EPHA10: variants seen among roughly 807,000 people sequenced by gnomAD.
EPHA10 encodes ephrin type-A receptor 10.
Under a neutral mutation model 109.7 loss-of-function variants are expected in EPHA10, and 120 were observed. The observed-to-expected ratio is 1.09, with a 90% confidence interval of 0.94 to 1.27. EPHA10 has a LOEUF of 1.27. EPHA10 is among the 50% of genes most tolerant of loss of function. EPHA10 has a pLI of 0.00. For missense variants in EPHA10, 1,396 were observed against 1,411.1 expected (o/e 0.99, Z 0.17); for synonymous variants, 640 against 618.9 (o/e 1.03, Z -0.51).
At chr1:37,720,892 C>T (rs776475956) in intron 11 of EPHA10, 48 bp from the exon 12 acceptor site, 269 of 1,590,586 alleles carry the variant, frequency 1.7e-4, no homozygotes, top group Non-Finnish European at 2.1e-4. Flanking sequence ...CACTCCACTC[C>T]GCACGCACAC....
At position 37,764,626 on chromosome 1, in the gene EPHA10, C is replaced by G. The variant is rs1348900347; in HGVS notation, c.106+335G>C. 6.6e-6 allele frequency among the ~76,000 whole-genome samples: 1 copy of G among 152,130 alleles called. No homozygotes were observed. Among genetic ancestry groups the G allele is most frequent in the Non-Finnish European group, 1.5e-5 (1 of 68,026 alleles). ...AGCTCACCTCCGCATCTCCCTGTCT[C>G]CACTCTTCATCTCCCCGCCCCCGCA... On this transcript the variant is annotated intron_variant, in intron 1 of 16. Transcript: ENST00000373048. This position sits in a 1 kb window ranked among gnomAD's most constrained non-coding sequence, Gnocchi z 5.8.
chr1:37,722,889 TG>T, intron 10 of EPHA10, 151 bp downstream of exon 10: 1 of 1,137,936 alleles, frequency 8.8e-7, no homozygotes, highest in Non-Finnish European at 1.3e-6. Context: ...GGGTGGAGGG[TG>T]GGCTTGGTGT....
chr1:37,720,239 G>C, intron 13 of EPHA10, 112 bp downstream of exon 13: 1 of 1,410,630 alleles, frequency 7.1e-7, no homozygotes, highest in Non-Finnish European at 9.5e-7. Flanking sequence ...TTTATGCCAA[G>C]ACCAACTGGG....
At chr1:37,726,290 A>C (rs928860677) in intron 8 of EPHA10, among the ~76,000 whole-genome samples, 1 of 152,244 alleles carries the variant, frequency 6.6e-6, no homozygotes. Context: ...TGGTCCAGGC[A>C]GAGCTGGCTC....
At position 37,720,606 on chromosome 1, in the gene EPHA10, T is replaced by G. The variant is rs377591490; in HGVS notation, c.2209-52A>C. 2.0e-5 allele frequency: 31 copies of G among 1,572,078 alleles called. No individual in the cohort carries two copies. In the African/African-American group the frequency reaches 3.4e-4, roughly 17 times the overall value. On this transcript the variant is annotated intron_variant, in intron 12 of 16. Transcript: ENST00000373048. ...GGCTGTGCGCTTGGATCCCCTGGTG[T>G]TGTGTGACACCAGGGCGGTCACCTA...
chr1:37,716,266 G>A lies in EPHA10; in HGVS notation c.*2106C>T, dbSNP rs191644806. The A allele has an allele frequency of 1.2e-3, 306 of 263,884 alleles. 9 individuals carry two copies. In the Admixed American group the frequency reaches 0.016, roughly 14 times the overall value. 16.3% of individuals were successfully genotyped at this position (263,884 alleles called of 1,614,324 possible). ...GGAGGGGAGATCTACCCTGGACACC[G>A]AAGTCCTGCCAACACAGCCAGGGGC... On this transcript the variant is annotated 3_prime_UTR_variant, in exon 17 of 17. Transcript: ENST00000373048.
rs1646433093 is a variant in EPHA10, at chr1:37,761,702, G to A, written c.553C>T (p.Arg185Trp). 6.2e-7 allele frequency: 1 copy of A among 1,613,076 alleles called. No individual in the cohort carries two copies. The highest frequency in any genetic ancestry group is 1.1e-5 in the South Asian group (1 of 91,074). Residue 185 changes from arginine (R) to tryptophan (W), a missense_variant, in exon 3 of 17, where the codon CGG becomes TGG. Transcript: ENST00000373048. ...TGAAAGGCCAGGTGGAAACCCCGCC[G>A]GCTGAGCGGTCCGATCTCGCGCACC... is the stretch of plus-strand genomic sequence containing the variant. ...TEVREIGPLS[R>W]RGFHLAFQDV...
chr1:37,727,090 C>G lies in EPHA10; in HGVS notation c.1772+12G>C. On this transcript the variant is annotated intron_variant, in intron 8 of 16. Transcript: ENST00000373048. The stretch of plus-strand genomic sequence containing the variant: ...CCACCAGGAGTCACCTAGGCTGGGG[C>G]CAGCCACCTACCTCCTCCAAATGGC... The G allele has an allele frequency of 6.2e-7, 1 of 1,602,656 alleles. No individual in the cohort carries two copies. The highest frequency in any genetic ancestry group is 1.3e-5 in the African/African-American group (1 of 74,698).
chr1:37,714,840 G>A (rs61741970), downstream of EPHA10: 10,041 of 152,332 alleles, frequency 0.066, 463 homozygotes, highest in South Asian at 0.13. Context: ...ACAACCTTGC[G>A]CACATCTTGA....
At chr1:37,720,656 CT>C in intron 12 of EPHA10, 102 bp from the exon 13 acceptor site, 2 of 1,535,224 alleles carry the variant, frequency 1.3e-6, no homozygotes, top group Non-Finnish European at 1.8e-6. Flanking sequence ...TTAGTTCACC[CT>C]GTGACCACAG....
At position 37,718,699 on chromosome 1, in the gene EPHA10, G is replaced by A. The variant is rs1363673018; in HGVS notation, c.2874C>T (p.Gly958=). ...CRYKDSFAAA[G]YGSLEAVAEM... is the part of the protein sequence containing the mutation. ...CGGCCACGGCCTCCAGGCTCCCATAGCCAGCAGCCGCGAAGCTGTCCTTGT... is the reference window on the plus strand; with the variant it reads ...CGGCCACGGCCTCCAGGCTCCCATAACCAGCAGCCGCGAAGCTGTCCTTGT... Residue 958 remains glycine, a synonymous_variant, in exon 16 of 17, where the codon GGC becomes GGT. Coordinates refer to ENST00000373048, the MANE Select transcript of EPHA10 (RefSeq NM_001099439.2). The A allele has an allele frequency of 6.2e-7, 1 of 1,613,200 alleles. No homozygotes were observed.
At chr1:37,762,733 TCCTGGAC>T in intron 2 of EPHA10, 45 bp downstream of exon 2, 1 of 1,498,442 alleles carries the variant, frequency 6.7e-7, no homozygotes, top group Non-Finnish European at 9.0e-7. Flanking sequence ...GGAGACTGTG[TCCTGGAC>T]CACCAGAGGA....
intron 3 of EPHA10, 103 bp downstream of exon 3, chr1:37,761,302 G>GC: frequency 1.3e-6 from 2 of 1,540,428 alleles, no homozygotes; most frequent in Admixed American, 1.9e-5. Flanking sequence ...CTTCTCCACC[G>GC]CCCCCCGACC....
At chr1:37,724,915 C>G (rs1281411013) in intron 8 of EPHA10, among the ~76,000 whole-genome samples, 1 of 152,172 alleles carries the variant, frequency 6.6e-6, no homozygotes, top group Admixed American at 6.5e-5. Flanking sequence ...TACCAAGCCT[C>G]CACACATGTT....
At chr1:37,755,140 G>A (rs1288088411) in intron 3 of EPHA10, among the ~76,000 whole-genome samples, 1 of 152,158 alleles carries the variant, frequency 6.6e-6, no homozygotes, top group African/African-American at 2.4e-5. Flanking sequence ...GCTAGGAGAG[G>A]TGAAGTTGCC....
At chr1:37,736,398 C>T (rs1646070812) in intron 5 of EPHA10, among the ~76,000 whole-genome samples, 1 of 143,240 alleles carries the variant, frequency 7.0e-6, no homozygotes, top group Non-Finnish European at 1.5e-5. Flanking sequence ...ATCAGTTGAA[C>T]CCGGGAGGTG....
chr1:37,727,751 C>T (rs1345515802), intron 7 of EPHA10, among the ~76,000 whole-genome samples: 2 of 152,190 alleles, frequency 1.3e-5, no homozygotes, highest in South Asian at 2.1e-4. Context: ...ATAATTTGCC[C>T]AAGATCACAT....
At position 37,761,897 on chromosome 1, in the gene EPHA10, C is replaced by T. The variant is rs756362822; in HGVS notation, c.358G>A (p.Gly120Ser). The change falls in exon 3 of 17, where the codon GGT (glycine) becomes AGT (serine). Residue 120 changes from glycine (G) to serine (S), a missense_variant. Coordinates refer to ENST00000373048, the MANE Select transcript of EPHA10 (RefSeq NM_001099439.2). ...RDCSSIPGAA[G>S]TCKETFNVYY... is the part of the protein sequence containing the mutation. Reference sequence around the variant, plus strand: ...ACGTTGAAGGTCTCCTTGCAGGTACCCGCGGCGCCAGGGATGCTGCTGCAG... The same window carrying T: ...ACGTTGAAGGTCTCCTTGCAGGTACTCGCGGCGCCAGGGATGCTGCTGCAG... 6 of 1,611,622 alleles carry T rather than the reference C, an allele frequency of 3.7e-6. No individual in the cohort carries two copies. Among genetic ancestry groups the T allele is most frequent in the Non-Finnish European group, 4.2e-6 (5 of 1,178,280 alleles).
intron 5 of EPHA10, among the ~76,000 whole-genome samples, chr1:37,748,374 T>C (rs1436268204): frequency 6.6e-6 from 1 of 151,932 alleles, no homozygotes; most frequent in Non-Finnish European, 1.5e-5. Flanking sequence ...AATAAACAAA[T>C]AAATAAAACT....
Sources: gnomAD v4.1 joint callset for allele counts (sites outside exome capture counted in the v4.1 genomes callset) on GRCh38, gnomAD v4.1.1 for gene constraint, Gnocchi (gnomAD v3.1) non-coding constraint, MANE v1.5 for transcripts, NCBI Gene and HGNC (gene_info 2026-07-23, HGNC 2026-07-21) for gene names.